PAK2: variants seen among roughly 807,000 people sequenced by gnomAD.
PAK2 encodes the protein p21 (RAC1) activated kinase 2.
Under a neutral mutation model 65.9 loss-of-function variants are expected in PAK2, and 21 were observed. The observed-to-expected ratio is 0.32, with a 90% CI of 0.23 to 0.46. The LOEUF (loss-of-function observed/expected upper bound fraction) is 0.46. Ranked by LOEUF, PAK2 falls within the 20% of genes least tolerant of loss-of-function variation. The probability of loss-of-function intolerance (pLI) is 1.00; values close to 1 mark genes in which losing one functional copy is unlikely to be tolerated. For synonymous variants in PAK2, 204 were observed against 219.7 expected, an observed-to-expected ratio of 0.93 and a Z score of 0.63; for missense variants, 324 against 642.6, an observed-to-expected ratio of 0.50 and a Z score of 5.36.
intron 13 of PAK2, among the ~76,000 whole-genome samples, chr3:196,825,472 T>C (rs546814409): frequency 2.0e-5 from 3 of 151,676 alleles, no homozygotes; most frequent in Admixed American, 2.0e-4. Flanking sequence ...TGAAACCCCG[T>C]CTCTACTGAA....
At chr3:196,775,621 T>C (rs534998759) in intron 1 of PAK2, among the ~76,000 whole-genome samples, 1 of 152,226 alleles carries the variant, frequency 6.6e-6, no homozygotes, top group East Asian at 1.9e-4. Flanking sequence ...GACCTTGTGA[T>C]CTGCCCGCCT....
intron 2 of PAK2, among the ~76,000 whole-genome samples, chr3:196,793,121 C>T (rs1427095009): frequency 6.6e-6 from 1 of 152,072 alleles, no homozygotes. Flanking sequence ...GTGTCAAAGG[C>T]CCCCCAGGAC....
intron 13 of PAK2, among the ~76,000 whole-genome samples, chr3:196,825,968 C>T (rs534582036): frequency 1.6e-4 from 24 of 152,070 alleles, no homozygotes; most frequent in Admixed American, 1.2e-3. Context: ...CTCAGCCTCC[C>T]GAGTAGCTGG....
intron 12 of PAK2, among the ~76,000 whole-genome samples, chr3:196,819,946 C>T (rs561548355): frequency 2.0e-4 from 31 of 152,182 alleles, no homozygotes; most frequent in East Asian, 1.5e-3. Flanking sequence ...AGTTCAAGAC[C>T]AGCCTAGGCA....
intron 11 of PAK2, among the ~76,000 whole-genome samples, chr3:196,817,788 A>T (rs913467722): frequency 3.3e-5 from 5 of 152,192 alleles, no homozygotes; most frequent in Admixed American, 1.3e-4. Flanking sequence ...AGACCCAGCT[A>T]AACAATGTCT....
At chr3:196,823,218 A>G (rs1177742456) in intron 13 of PAK2, among the ~76,000 whole-genome samples, 3 of 152,134 alleles carry the variant, frequency 2.0e-5, no homozygotes, top group Non-Finnish European at 4.4e-5. Context: ...GAGGTGGGAA[A>G]AAGTGGTGTG....
Position 196,829,929 on chromosome 3 carries a change from C to A in PAK2, c.*1524C>A, listed in dbSNP as rs796159838. ...CCTCCCTTTTCTCTTCTCTTTTTTC[C>A]TCTCCTCTTCTTCTCCTTTATTCAT... On this transcript the variant is annotated 3_prime_UTR_variant, in exon 15 of 15. Transcript: ENST00000327134. The A allele has an allele frequency of 1.4e-4, 21 of 151,728 alleles. No homozygotes were observed. The highest frequency in any genetic ancestry group is 3.9e-4 in the East Asian group (2 of 5,172). 9.4% of individuals were successfully genotyped at this position (151,728 alleles called of 1,614,324 possible).
At chr3:196,746,340 A>G (rs1441894240) in intron 1 of PAK2, among the ~76,000 whole-genome samples, 1 of 152,214 alleles carries the variant, frequency 6.6e-6, no homozygotes, top group Non-Finnish European at 1.5e-5. Context: ...CTATTGTAAC[A>G]TTTAGATGAT....
intron 11 of PAK2, among the ~76,000 whole-genome samples, chr3:196,815,693 G>A (rs1042685017): frequency 4.0e-5 from 6 of 151,766 alleles, no homozygotes; most frequent in Non-Finnish European, 5.9e-5. Flanking sequence ...AGGCTGAGAC[G>A]GGAGATTAGC....
chr3:196,790,897 A>G (rs1715047041), intron 2 of PAK2, among the ~76,000 whole-genome samples: 1 of 152,246 alleles, frequency 6.6e-6, no homozygotes. Context: ...TTAGGACCAC[A>G]TGAGTAAACA....
At chr3:196,747,417 A>C (rs112591516) in intron 1 of PAK2, 1 of 152,288 alleles carries the variant, frequency 6.6e-6, no homozygotes, top group Admixed American at 6.5e-5. Context: ...ATTTACATGG[A>C]CAATGTTCTT....
chr3:196,767,511 C>T (rs1308882909), intron 1 of PAK2, among the ~76,000 whole-genome samples: 2 of 151,926 alleles, frequency 1.3e-5, no homozygotes, highest in South Asian at 2.1e-4. Context: ...TTGTTTGAGA[C>T]GGAGTCTTGC....
chr3:196,753,979 C>T (rs1713691616), intron 1 of PAK2, among the ~76,000 whole-genome samples: 1 of 152,160 alleles, frequency 6.6e-6, no homozygotes, highest in Admixed American at 6.5e-5. Context: ...TAGGTTGGCT[C>T]ACCATTTCTG....
At chr3:196,811,658 G>A (rs1241639235) in intron 8 of PAK2, among the ~76,000 whole-genome samples, 1 of 151,824 alleles carries the variant, frequency 6.6e-6, no homozygotes, top group African/African-American at 2.4e-5. Context: ...CTATCCATAT[G>A]GATGACCATC....
chr3:196,788,344 A>G (rs541983441), intron 2 of PAK2, among the ~76,000 whole-genome samples: 3 of 152,366 alleles, frequency 2.0e-5, no homozygotes, highest in South Asian at 4.1e-4. Context: ...TAAAAAATTT[A>G]CATCCCTTAC....
At chr3:196,761,889 CACTTCCCAGATG>C (rs1713985130) in intron 1 of PAK2, among the ~76,000 whole-genome samples, 1 of 149,430 alleles carries the variant, frequency 6.7e-6, no homozygotes, top group African/African-American at 2.5e-5. Context: ...AGACGCTCCT[CACTTCCCAGATG>C]GGGTGGCTGC....
chr3:196,767,984 CTT>C (rs1294843808), intron 1 of PAK2, among the ~76,000 whole-genome samples: 2 of 152,020 alleles, frequency 1.3e-5, no homozygotes, highest in Non-Finnish European at 2.9e-5. Flanking sequence ...TGTGAATAAA[CTT>C]CTTGGTGAAG....
At chr3:196,767,960 A>G (rs1444023221) in intron 1 of PAK2, among the ~76,000 whole-genome samples, 2 of 152,062 alleles carry the variant, frequency 1.3e-5, no homozygotes, top group African/African-American at 2.4e-5. Context: ...TGCTAGTGAC[A>G]TGATTTCCAA....
rs759017300 is a variant in PAK2, at chr3:196,812,229, A to G, written c.784A>G (p.Thr262Ala). ...GTTTTCTCCCTCTAGGGCTTCTGGT[A>G]CAGTTTTCACTGCTACTGACGTTGC... ...YEKIGQGASG[T>A]VFTATDVALG... Residue 262 changes from threonine (T) to alanine (A), a missense_variant, in exon 9 of 15, where the codon ACA becomes GCA. Thr to Ala is a moderately conservative substitution (Grantham distance 58). Transcript: ENST00000327134. The G allele has an allele frequency of 6.3e-7, 1 of 1,584,516 alleles. No homozygotes were observed. The highest frequency in any genetic ancestry group is 8.7e-7 in the Non-Finnish European group (1 of 1,153,410).
Sources: allele counts gnomAD v4.1 joint callset (sites outside exome capture counted in the v4.1 genomes callset), GRCh38; gene constraint gnomAD v4.1.1; transcripts MANE v1.5; gene names NCBI Gene and HGNC (gene_info 2026-07-23, HGNC 2026-07-21).